Variants in EFCAB6 observed in about 807,000 individuals in gnomAD.
The protein encoded by EFCAB6 is EF-hand calcium-binding domain-containing protein 6.
EFCAB6 carries 156 observed loss-of-function variants against 169.8 expected under a neutral mutation model. That is an observed-to-expected ratio of 0.92 (90% confidence interval 0.81 to 1.05). The LOEUF (loss-of-function observed/expected upper bound fraction) is 1.05, where lower values mean the gene tolerates loss of function less well. Ranked by LOEUF, EFCAB6 falls within the 50% of genes least tolerant of loss-of-function variation. The pLI, the probability that EFCAB6 is intolerant of heterozygous loss-of-function variation, is 0.00. For missense variants in EFCAB6, 1,800 were observed against 1,829.1 expected (o/e 0.98, Z 0.29); for synonymous variants, 698 against 676.4 (o/e 1.03, Z -0.50).
chr22:43,620,123 G>T (rs2054016319), intron 20 of EFCAB6, among the ~76,000 whole-genome samples: 1 of 152,124 alleles, frequency 6.6e-6, no homozygotes, highest in Non-Finnish European at 1.5e-5. Context: ...TTCGAGACCA[G>T]CATGGGCAAC....
chr22:43,590,175 A>T lies in EFCAB6; in HGVS notation c.2931T>A (p.Asp977Glu). Residue 977 changes from aspartate to glutamate, a missense_variant, in exon 24 of 32, where the codon GAT becomes GAA. Transcript: ENST00000262726. ...TGGATATGTAGTTGGTTTTGGATTGATCAGTTTTGGTGAATGCTTTGCTGA... is the reference window on the plus strand; with the variant it reads ...TGGATATGTAGTTGGTTTTGGATTGTTCAGTTTTGGTGAATGCTTTGCTGA... ...QDISKAFTKT[D>E]QSKTNYISIC... 1 of 1,614,108 alleles carries T rather than the reference A, an allele frequency of 6.2e-7. No individual in the cohort carries two copies. The highest frequency in any genetic ancestry group is 8.5e-7 in the Non-Finnish European group (1 of 1,180,006).
intron 17 of EFCAB6, among the ~76,000 whole-genome samples, chr22:43,640,395 C>A (rs2055718980): frequency 6.6e-6 from 1 of 152,144 alleles, no homozygotes; most frequent in African/African-American, 2.4e-5. Context: ...TGTTGGGCTG[C>A]AGTTTAAATT....
intron 2 of EFCAB6, among the ~76,000 whole-genome samples, chr22:43,805,400 C>G (rs2062882365): frequency 6.6e-6 from 1 of 152,164 alleles, no homozygotes; most frequent in Non-Finnish European, 1.5e-5. Flanking sequence ...ATGGATAGAA[C>G]TGGAGGTCCT....
At chr22:43,581,668 C>A (rs1476136344) in intron 24 of EFCAB6, among the ~76,000 whole-genome samples, 1 of 152,202 alleles carries the variant, frequency 6.6e-6, no homozygotes, top group Admixed American at 6.5e-5. Context: ...CAAGTGTCAA[C>A]GTAGAAGAGC....
chr22:43,806,399 T>C (rs1367437748), intron 2 of EFCAB6, among the ~76,000 whole-genome samples: 1 of 151,852 alleles, frequency 6.6e-6, no homozygotes, highest in African/African-American at 2.4e-5. Flanking sequence ...GGACTGCAGG[T>C]GCATGCCACC....
intron 8 of EFCAB6, among the ~76,000 whole-genome samples, chr22:43,723,827 C>G (rs1240919099): frequency 6.6e-6 from 1 of 152,214 alleles, no homozygotes; most frequent in African/African-American, 2.4e-5. Flanking sequence ...GACCAAGGAG[C>G]CCTGCACCGG....
chr22:43,749,209 G>A (rs530694320), intron 6 of EFCAB6, among the ~76,000 whole-genome samples: 1 of 152,200 alleles, frequency 6.6e-6, no homozygotes, highest in Non-Finnish European at 1.5e-5. Context: ...TGAATGATGA[G>A]TGGTAGAACC....
At chr22:43,531,537 T>C (rs1481541851) in intron 30 of EFCAB6, among the ~76,000 whole-genome samples, 1 of 152,304 alleles carries the variant, frequency 6.6e-6, no homozygotes, top group East Asian at 1.9e-4. Flanking sequence ...AACAAGACAT[T>C]TGAACATGAT....
At position 43,530,964 on chromosome 22, in the gene EFCAB6, T is replaced by C. The variant is rs1328928485; in HGVS notation, c.4234A>G (p.Lys1412Glu). 2 of 1,613,600 alleles carry C rather than the reference T, an allele frequency of 1.2e-6. No individual in the cohort carries two copies. The highest frequency in any genetic ancestry group is 1.7e-6 in the Non-Finnish European group (2 of 1,179,878). The change falls in exon 31 of 32, where the codon AAA (lysine) becomes GAA (glutamate). Residue 1412 changes from lysine (K) to glutamate (E), a missense_variant and splice_region_variant. Physicochemically the swap from Lys to Glu is moderately conservative, Grantham distance 56. Transcript: ENST00000262726. ...GATGGCGTCTCCGCGCCGGCTTCTTTCTAGACACAAGACAAGAAGGGGTGA... is the reference window on the plus strand; with the variant it reads ...GATGGCGTCTCCGCGCCGGCTTCTTCCTAGACACAAGACAAGAAGGGGTGA... Reference protein sequence around the residue: ...RMKIQNAHKMKEAGAETPSFY... With the variant: ...RMKIQNAHKMEEAGAETPSFY...
intron 31 of EFCAB6, 122 bp from the exon 32 acceptor site, chr22:43,529,097 C>T: frequency 1.7e-6 from 2 of 1,184,954 alleles, no homozygotes; most frequent in Non-Finnish European, 1.2e-6. Flanking sequence ...CCGATGTCAG[C>T]CTCCCATCTG....
intron 17 of EFCAB6, among the ~76,000 whole-genome samples, chr22:43,656,829 A>C (rs201871280): frequency 1.6e-5 from 2 of 123,510 alleles, no homozygotes; most frequent in Non-Finnish European, 3.6e-5. Flanking sequence ...TATAGCACCT[A>C]GGTTTGTTGT....
At chr22:43,631,527 G>C (rs1364816483) in intron 19 of EFCAB6, among the ~76,000 whole-genome samples, 1 of 151,990 alleles carries the variant, frequency 6.6e-6, no homozygotes, top group Admixed American at 6.5e-5. Flanking sequence ...TAGGCCTTAC[G>C]ATTCAGTGTG....
intron 8 of EFCAB6, among the ~76,000 whole-genome samples, chr22:43,727,622 G>A (rs1013038): frequency 0.28 from 42,047 of 152,100 alleles, 6,943 homozygotes; most frequent in East Asian, 0.63. Flanking sequence ...TATAACAAAG[G>A]ATAGGAGAGA....
chr22:43,549,826 C>T (rs767480217), intron 27 of EFCAB6, among the ~76,000 whole-genome samples: 33 of 152,146 alleles, frequency 2.2e-4, no homozygotes, highest in Non-Finnish European at 1.0e-4. Flanking sequence ...GCAAGTTTGG[C>T]ATATACCAGG....
At chr22:43,687,939 A>T (rs747259184) in intron 10 of EFCAB6, among the ~76,000 whole-genome samples, 1 of 152,154 alleles carries the variant, frequency 6.6e-6, no homozygotes, top group South Asian at 2.1e-4. Context: ...CATGGGGTCC[A>T]CCCTCTAATC....
rs556745857 is a variant in EFCAB6, at chr22:43,722,224, T to C, written c.758-5252A>G. ...ACCATCTTACACCAATCAGATTGGCTATTATTAAAAAGTCAAAAAAGGCAG... is the reference window on the plus strand; with the variant it reads ...ACCATCTTACACCAATCAGATTGGCCATTATTAAAAAGTCAAAAAAGGCAG... On this transcript the variant is annotated intron_variant, in intron 8 of 31. Coordinates refer to ENST00000262726, the MANE Select transcript of EFCAB6 (RefSeq NM_022785.4). Among the ~76,000 whole-genome samples, 56 of 152,140 alleles carry C rather than the reference T, an allele frequency of 3.7e-4. 1 individual carries two copies. The highest frequency in any genetic ancestry group is 1.1e-3 in the African/African-American group (44 of 41,520).
At chr22:43,542,209 G>A (rs2147083021) in intron 27 of EFCAB6, among the ~76,000 whole-genome samples, 2 of 152,370 alleles carry the variant, frequency 1.3e-5, no homozygotes, top group African/African-American at 4.8e-5. Flanking sequence ...AGCTTGGCAG[G>A]AGACAATCCC....
Position 43,600,262 on chromosome 22 carries a change from A to G in EFCAB6, c.2683T>C (p.Tyr895His), listed in dbSNP as rs1160334300. 3 of 1,613,352 alleles carry G rather than the reference A, an allele frequency of 1.9e-6. No homozygotes were observed. Among genetic ancestry groups the G allele is most frequent in the East Asian group, 2.2e-5 (1 of 44,872 alleles). ...PREFEKLWAR[Y>H]DTEGKGHITY... is the part of the protein sequence containing the mutation. The stretch of plus-strand genomic sequence containing the variant: ...ATGTGCCCTTTTCCCTCGGTGTCGT[A>G]TCTTAAAACAAAAACAAAAACAGAA... Residue 895 changes from tyrosine to histidine, a missense_variant and splice_region_variant, in exon 23 of 32, where the codon TAC becomes CAC. Transcript: ENST00000262726.
At chr22:43,700,690 C>T (rs186761727) in intron 10 of EFCAB6, among the ~76,000 whole-genome samples, 214 of 152,238 alleles carry the variant, frequency 1.4e-3, no homozygotes, top group African/African-American at 4.7e-3. Flanking sequence ...TTGCCTTTTC[C>T]GGAATGTCTT....
Sources: gnomAD v4.1 joint callset for allele counts (sites outside exome capture counted in the v4.1 genomes callset) on GRCh38, gnomAD v4.1.1 for gene constraint, MANE v1.5 for transcripts, NCBI Gene and HGNC (gene_info 2026-07-23, HGNC 2026-07-21) for gene names.